SCN9A: variants seen among roughly 807,000 people sequenced by gnomAD.
The protein encoded by SCN9A is sodium channel protein type 9 subunit alpha.
Under a neutral mutation model 187.0 loss-of-function variants are expected in SCN9A, and 131 were observed. That is an observed-to-expected ratio of 0.70 (90% CI 0.61 to 0.81). The LOEUF (loss-of-function observed/expected upper bound fraction) is 0.81, where lower values mean the gene tolerates loss of function less well. Ranked by LOEUF, SCN9A falls within the 30% of genes least tolerant of loss-of-function variation. The probability of loss-of-function intolerance (pLI) is 0.00; values close to 1 mark genes in which losing one functional copy is unlikely to be tolerated. For missense variants in SCN9A, 2,252 were observed against 2,396.6 expected (o/e 0.94, Z 1.26); for synonymous variants, 809 against 808.6 (o/e 1.00, Z -0.01).
chr2:166,311,453 G>C (rs1385855958), intron 2 of SCN9A, 46 bp downstream of exon 2: 1 of 1,405,950 alleles, frequency 7.1e-7, no homozygotes, highest in South Asian at 2.0e-5. Flanking sequence ...TTTTTATACA[G>C]AAGGAAGCCA....
At position 166,287,734 on chromosome 2, in the gene SCN9A, C is replaced by T. The variant is rs1252447892; in HGVS notation, c.1314+703G>A. 2.6e-5 allele frequency among the ~76,000 whole-genome samples: 4 copies of T among 151,900 alleles called. No individual in the cohort carries two copies. In the South Asian group the frequency reaches 6.2e-4, roughly 24 times the overall value. ...GAAAGAGGATTAAGGAGGAAACTTT[C>T]GAGAATCTATGACAACCTAAATTAG... On this transcript the variant is annotated intron_variant, in intron 10 of 26. Coordinates refer to ENST00000642356, the MANE Select transcript of SCN9A (RefSeq NM_001365536.1).
intron 1 of SCN9A, among the ~76,000 whole-genome samples, chr2:166,349,768 T>G (rs1699988932): frequency 6.6e-6 from 1 of 151,672 alleles, no homozygotes; most frequent in Non-Finnish European, 1.5e-5. Context: ...AAGTCGGGAG[T>G]TCGAGACCAG....
At chr2:166,348,087 G>T (rs1196696208) in intron 1 of SCN9A, among the ~76,000 whole-genome samples, 1 of 152,136 alleles carries the variant, frequency 6.6e-6, no homozygotes, top group Non-Finnish European at 1.5e-5. Flanking sequence ...CTAACAATCT[G>T]TGGCTCCAGA....
intron 10 of SCN9A, among the ~76,000 whole-genome samples, chr2:166,287,556 C>G (rs1697827170): frequency 6.6e-6 from 1 of 152,026 alleles, no homozygotes; most frequent in African/African-American, 2.4e-5. Context: ...ATCTGCATTG[C>G]AGATGATTGC....
At chr2:166,266,673 A>T (rs1169156079) in intron 17 of SCN9A, among the ~76,000 whole-genome samples, 2 of 151,714 alleles carry the variant, frequency 1.3e-5, no homozygotes, top group Non-Finnish European at 2.9e-5. Context: ...TTTTAAAAAT[A>T]ATAATTATTC....
chr2:166,373,000 A>G (rs1368430534), intron 1 of SCN9A, among the ~76,000 whole-genome samples: 4 of 152,208 alleles, frequency 2.6e-5, no homozygotes, highest in Admixed American at 2.6e-4. Flanking sequence ...TTTTAACAAG[A>G]TGATCAAAAA....
intron 9 of SCN9A, 74 bp from the exon 10 acceptor site, chr2:166,288,717 G>A: frequency 9.2e-7 from 1 of 1,083,568 alleles, no homozygotes; most frequent in Non-Finnish European, 1.3e-6. Flanking sequence ...TGACAGGCAT[G>A]AGCAAATCTG....
chr2:166,274,060 T>C (rs1380374218), intron 16 of SCN9A, among the ~76,000 whole-genome samples: 1 of 152,120 alleles, frequency 6.6e-6, no homozygotes, highest in East Asian at 1.9e-4. Flanking sequence ...GAAATACATG[T>C]TTGTGTATAT....
chr2:166,252,133 C>T (rs1284363463), intron 17 of SCN9A, among the ~76,000 whole-genome samples: 11 of 151,820 alleles, frequency 7.2e-5, no homozygotes, highest in South Asian at 6.2e-4. Flanking sequence ...CTAACAAGTA[C>T]GTGGCCAAAA....
intron 16 of SCN9A, among the ~76,000 whole-genome samples, chr2:166,276,189 A>G (rs1444020584): frequency 6.6e-6 from 1 of 152,156 alleles, no homozygotes; most frequent in African/African-American, 2.4e-5. Flanking sequence ...CAAGCCAAGA[A>G]AACACTAATT....
At chr2:166,279,417 C>A (rs1478293472) in intron 14 of SCN9A, among the ~76,000 whole-genome samples, 8 of 152,136 alleles carry the variant, frequency 5.3e-5, no homozygotes, top group Admixed American at 5.2e-4. Context: ...AGCTGAGATT[C>A]TCTGGCCCTA....
At position 166,311,485 on chromosome 2, in the gene SCN9A, C is replaced by T. The variant is rs202109432; in HGVS notation, c.258+14G>A. On this transcript the variant is annotated intron_variant, in intron 2 of 26. Coordinates refer to ENST00000642356, the MANE Select transcript of SCN9A (RefSeq NM_001365536.1). ...GCCAACAGAAACTGACCACTGAAGT[C>T]AAAATAAACTCACCTTTTTGTCTGC... 234 of 1,513,840 alleles carry T rather than the reference C, an allele frequency of 1.5e-4. No individual in the cohort carries two copies. Among genetic ancestry groups the T allele is most frequent in the Non-Finnish European group, 2.0e-4 (223 of 1,127,270 alleles). The allele number at this position is 1,513,840 out of a possible 1,614,324, so 93.8% of individuals were successfully genotyped here.
intron 1 of SCN9A, among the ~76,000 whole-genome samples, chr2:166,328,743 A>G (rs1404147817): frequency 6.6e-6 from 1 of 152,164 alleles, no homozygotes; most frequent in Non-Finnish European, 1.5e-5. Flanking sequence ...AAGGTGAAAA[A>G]TGACTACACA....
chr2:166,298,404 T>G (rs890230708), intron 7 of SCN9A, among the ~76,000 whole-genome samples: 1 of 152,134 alleles, frequency 6.6e-6, no homozygotes, highest in Non-Finnish European at 1.5e-5. Flanking sequence ...TAAAAAAGTG[T>G]TTGATGAGCA....
intron 24 of SCN9A, among the ~76,000 whole-genome samples, chr2:166,219,304 C>A (rs1022712622): frequency 3.3e-5 from 5 of 152,046 alleles, no homozygotes; most frequent in Admixed American, 3.3e-4. Context: ...ATGGCAAAGA[C>A]ATAGAATCAA....
At chr2:166,308,987 A>G (rs1698853379) in intron 2 of SCN9A, among the ~76,000 whole-genome samples, 1 of 151,694 alleles carries the variant, frequency 6.6e-6, no homozygotes, top group Admixed American at 6.6e-5. Context: ...ATAACAGGTA[A>G]TGAAAAGGAG....
At chr2:166,262,121 T>C (rs2106442474) in intron 17 of SCN9A, among the ~76,000 whole-genome samples, 1 of 152,068 alleles carries the variant, frequency 6.6e-6, no homozygotes, top group Non-Finnish European at 1.5e-5. Context: ...CAGCAAGGTT[T>C]TCACCTAGAG....
intron 18 of SCN9A, among the ~76,000 whole-genome samples, chr2:166,242,870 G>A (rs1695629580): frequency 6.6e-6 from 1 of 151,986 alleles, no homozygotes; most frequent in Non-Finnish European, 1.5e-5. Flanking sequence ...GTTAGTTTTA[G>A]CTTACAATGT....
chr2:166,346,524 A>G lies in SCN9A; in HGVS notation c.-51+29173T>C, dbSNP rs796125137. Among the ~76,000 whole-genome samples, 13 of 152,194 alleles carry G rather than the reference A, an allele frequency of 8.5e-5. No homozygotes were observed. The South Asian group carries it at 2.7e-3, about 31-fold the overall frequency. ...GTCAAAGACACACAGATGGGCCTCT[A>G]GGGGCATTTCTCCTAATAAATGTGA... On this transcript the variant is annotated intron_variant, in intron 1 of 26. Transcript: ENST00000642356.
Sources: gnomAD v4.1 joint callset for allele counts (sites outside exome capture counted in the v4.1 genomes callset) on GRCh38, gnomAD v4.1.1 for gene constraint, MANE v1.5 for transcripts, NCBI Gene and HGNC (gene_info 2026-07-23, HGNC 2026-07-21) for gene names.